Variants in LGSN observed in about 807,000 individuals in gnomAD.
The protein encoded by LGSN is lengsin.
Under a neutral mutation model 19.5 loss-of-function variants are expected in LGSN, and 21 were observed. That is an observed-to-expected ratio of 1.07 (90% CI 0.76 to 1.55). The LOEUF is 1.55. Among genes scored for constraint, LGSN ranks in the 40% most tolerant of loss-of-function variants. LGSN has a pLI of 0.00. For synonymous variants in LGSN, 257 were observed against 215.6 expected (o/e 1.19, Z -1.68); for missense variants, 673 against 608.5 (o/e 1.11, Z -1.12).
At chr6:63,343,488 C>T in the LGSN span, among the ~76,000 whole-genome samples, 1,388 of 152,230 alleles carry the variant, frequency 9.1e-3, 23 homozygotes, top group African/African-American at 0.032. Context: ...TAGTTGCTTC[C>T]CTGTCACTCT....
At chr6:63,560,365 A>AGAAAAGAAGT in the LGSN span, among the ~76,000 whole-genome samples, 1 of 150,916 alleles carries the variant, frequency 6.6e-6, no homozygotes, top group Non-Finnish European at 1.5e-5. Flanking sequence ...AAAGAAAGAA[A>AGAAAAGAAGT]GAAAAGAAGT....
the LGSN span, among the ~76,000 whole-genome samples, chr6:63,539,322 T>G: frequency 6.6e-6 from 1 of 152,212 alleles, no homozygotes; most frequent in African/African-American, 2.4e-5. Flanking sequence ...CCACCTAACC[T>G]GAAGGATTAA....
chr6:63,515,342 C>A, the LGSN span, among the ~76,000 whole-genome samples: 2 of 152,196 alleles, frequency 1.3e-5, no homozygotes, highest in African/African-American at 4.8e-5. Flanking sequence ...AGCAATTCTC[C>A]TGCCTCAGCT....
chr6:63,386,009 G>A, the LGSN span, among the ~76,000 whole-genome samples: 1 of 152,030 alleles, frequency 6.6e-6, no homozygotes, highest in Non-Finnish European at 1.5e-5. Context: ...TAAATTTGAT[G>A]TTAATATATT....
the LGSN span, among the ~76,000 whole-genome samples, chr6:63,448,705 G>A: frequency 1.4e-5 from 2 of 138,490 alleles, no homozygotes; most frequent in African/African-American, 5.4e-5. Context: ...TATTCTTTTT[G>A]TTTCTTTTTT....
At chr6:63,527,623 C>T in the LGSN span, among the ~76,000 whole-genome samples, 1 of 152,168 alleles carries the variant, frequency 6.6e-6, no homozygotes, top group African/African-American at 2.4e-5. Context: ...GACAACTCTT[C>T]CATTTTAACC....
chr6:63,321,066 CTGTT>C (rs1320781169), upstream of LGSN, among the ~76,000 whole-genome samples: 1 of 152,142 alleles, frequency 6.6e-6, no homozygotes, highest in African/African-American at 2.4e-5. Flanking sequence ...CTGAATATGG[CTGTT>C]TTGGACTCTT....
chr6:63,384,783 G>A, the LGSN span, among the ~76,000 whole-genome samples: 1 of 152,308 alleles, frequency 6.6e-6, no homozygotes, highest in South Asian at 2.1e-4. Flanking sequence ...CTCCCAAAGT[G>A]CTGGGATTAC....
At chr6:63,420,658 A>C in the LGSN span, among the ~76,000 whole-genome samples, 9 of 152,204 alleles carry the variant, frequency 5.9e-5, no homozygotes, top group Non-Finnish European at 1.3e-4. Flanking sequence ...GTTATCAGCA[A>C]AAGCCAATTA....
the LGSN span, among the ~76,000 whole-genome samples, chr6:63,534,452 A>AAC: frequency 0.4 from 57,656 of 144,328 alleles, 11,489 homozygotes; most frequent in African/African-American, 0.49. Flanking sequence ...CACACAGAGA[A>AAC]ACACACACAC....
the LGSN span, among the ~76,000 whole-genome samples, chr6:63,532,569 CA>C: frequency 1.3e-4 from 20 of 148,634 alleles, no homozygotes; most frequent in South Asian, 8.5e-4. Flanking sequence ...ATTAAATCCA[CA>C]AAAAAAAAAT....
the LGSN span, chr6:63,480,197 C>G: frequency 4.5e-6 from 1 of 221,282 alleles, no homozygotes; most frequent in African/African-American, 2.3e-5. Flanking sequence ...CCTGGCTGAC[C>G]AGAGCTGCAA....
the LGSN span, among the ~76,000 whole-genome samples, chr6:63,503,432 C>CCTGGCTTTTTTTA: frequency 6.6e-6 from 1 of 152,192 alleles, no homozygotes; most frequent in South Asian, 2.1e-4. Flanking sequence ...ATCTGGAGAT[C>CCTGGCTTTTTTTA]ACAAGAATGG....
At chr6:63,393,324 G>A in the LGSN span, among the ~76,000 whole-genome samples, 6 of 151,714 alleles carry the variant, frequency 4.0e-5, no homozygotes, top group East Asian at 7.8e-4. Flanking sequence ...TTACAGGTGT[G>A]TGCCACAAAG....
At chr6:63,362,346 T>C in the LGSN span, among the ~76,000 whole-genome samples, 2 of 152,112 alleles carry the variant, frequency 1.3e-5, no homozygotes, top group African/African-American at 4.8e-5. Flanking sequence ...ACCAGGTTCA[T>C]CTCACTGGGG....
the LGSN span, among the ~76,000 whole-genome samples, chr6:63,540,210 A>G: frequency 6.6e-5 from 10 of 152,128 alleles, no homozygotes; most frequent in Non-Finnish European, 1.3e-4. Flanking sequence ...AGATGCACTT[A>G]CTCCTTGAAC....
chr6:63,537,542 G>GA, the LGSN span, among the ~76,000 whole-genome samples: 1 of 152,152 alleles, frequency 6.6e-6, no homozygotes, highest in Non-Finnish European at 1.5e-5. Context: ...TCACCCCAGA[G>GA]AAAAAAGCCA....
chr6:63,486,682 CT>C, the LGSN span, among the ~76,000 whole-genome samples: 511 of 115,846 alleles, frequency 4.4e-3, 4 homozygotes, highest in African/African-American at 0.013. Flanking sequence ...TTATTTTCTT[CT>C]TTTTTTTTTT....
the LGSN span, among the ~76,000 whole-genome samples, chr6:63,442,623 T>TA: frequency 6.6e-6 from 1 of 151,880 alleles, no homozygotes; most frequent in Non-Finnish European, 1.5e-5. Context: ...TGCTGACTGG[T>TA]ACGTTTACAA....
Sources: allele counts gnomAD v4.1 joint callset (sites outside exome capture counted in the v4.1 genomes callset), GRCh38; gene constraint gnomAD v4.1.1; transcripts MANE v1.5; gene names NCBI Gene and HGNC (gene_info 2026-07-23, HGNC 2026-07-21).